ATP10B: variants seen among roughly 807,000 people sequenced by gnomAD.
ATP10B encodes the protein phospholipid-transporting ATPase VB.
In ATP10B, 122 loss-of-function variants were observed where a neutral mutation model predicts 141.2. The ratio of observed to expected loss-of-function variants is 0.86; its 90% confidence interval spans 0.75 to 1.00. The LOEUF is 1.00. Ranked by LOEUF, ATP10B falls within the 50% of genes least tolerant of loss-of-function variation. The probability of loss-of-function intolerance (pLI) is 0.00; values close to 1 mark genes in which losing one functional copy is unlikely to be tolerated. For synonymous variants in ATP10B, 685 were observed against 692.0 expected (o/e 0.99, Z 0.16); for missense variants, 1,876 against 1,825.3 (o/e 1.03, Z -0.51).
intron 3 of ATP10B, among the ~76,000 whole-genome samples, chr5:160,702,196 A>T (rs549311138): frequency 6.6e-6 from 1 of 152,366 alleles, no homozygotes; most frequent in South Asian, 2.1e-4. Flanking sequence ...AAAATTATTT[A>T]AAAATATTTC....
At chr5:160,632,008 C>T (rs1758967902) in intron 13 of ATP10B, 121 bp downstream of exon 13, 1 of 855,636 alleles carries the variant, frequency 1.2e-6, no homozygotes, top group Non-Finnish European at 1.8e-6. Context: ...TGTACAAAAC[C>T]AAGGGCACCA....
chr5:160,692,462 G>T (rs1764127745), intron 3 of ATP10B, among the ~76,000 whole-genome samples: 1 of 152,076 alleles, frequency 6.6e-6, no homozygotes, highest in South Asian at 2.1e-4. Context: ...GCTGCACTTT[G>T]ACCTACTTCC....
In ATP10B at chr5:160,607,030, T is replaced by C. The variant is rs1240109732; in HGVS notation, c.2895A>G (p.Glu965=). 5.0e-6 allele frequency: 8 copies of C among 1,614,026 alleles called. No homozygotes were observed. The highest frequency in any genetic ancestry group is 6.8e-6 in the Non-Finnish European group (8 of 1,180,004). ...AGAGCTTGCGGTCTGGCTTCTGTAG[T>C]TCACGAAATTGCTTTAGCTCTTCCA... ...CALEELKQFR[E]LQKPDRKLFG... Residue 965 remains glutamate (E), a synonymous_variant, in exon 19 of 26, where the codon GAA becomes GAG. Coordinates refer to ENST00000327245, the MANE Select transcript of ATP10B (RefSeq NM_025153.3).
rs112984246 is a variant in ATP10B, at chr5:160,778,172, T to C, written c.-331+7387A>G. Among the ~76,000 whole-genome samples the C allele has an allele frequency of 4.3e-3, 653 of 152,312 alleles. 2 individuals are homozygous for C. Among genetic ancestry groups the C allele is most frequent in the South Asian group, 0.017 (83 of 4,828 alleles). On this transcript the variant is annotated intron_variant, in intron 2 of 25. Coordinates refer to ENST00000327245, the MANE Select transcript of ATP10B (RefSeq NM_025153.3). Reference sequence around the variant, plus strand: ...TACCATGTCCACGTATTATCTAAAGTAAACACATAAATAATTTTAAAGCCA... The same window carrying C: ...TACCATGTCCACGTATTATCTAAAGCAAACACATAAATAATTTTAAAGCCA...
At chr5:160,578,391 A>G (rs772939115) in intron 24 of ATP10B, among the ~76,000 whole-genome samples, 3 of 152,008 alleles carry the variant, frequency 2.0e-5, no homozygotes, top group Non-Finnish European at 4.4e-5. Flanking sequence ...CCCTGTGTCC[A>G]TGTGTTCTCA....
chr5:160,682,509 C>T (rs558020417), intron 6 of ATP10B, among the ~76,000 whole-genome samples: 8 of 152,178 alleles, frequency 5.3e-5, no homozygotes, highest in Non-Finnish European at 8.8e-5. Flanking sequence ...CCTGCCAGCT[C>T]CCAGCACAGA....
intron 6 of ATP10B, among the ~76,000 whole-genome samples, chr5:160,675,993 G>A (rs2127732711): frequency 6.6e-6 from 1 of 152,252 alleles, no homozygotes; most frequent in Non-Finnish European, 1.5e-5. Context: ...AGGGTGGGAG[G>A]ACTGAGGTTC....
intron 24 of ATP10B, among the ~76,000 whole-genome samples, chr5:160,583,700 C>G (rs146464786): frequency 6.6e-6 from 1 of 152,330 alleles, no homozygotes; most frequent in Non-Finnish European, 1.5e-5. Flanking sequence ...ACTGGAGTTG[C>G]TGCTTTTCTT....
intron 2 of ATP10B, among the ~76,000 whole-genome samples, chr5:160,740,165 A>G (rs1317143982): frequency 6.6e-6 from 1 of 152,250 alleles, no homozygotes; most frequent in Non-Finnish European, 1.5e-5. Context: ...CATTGCCCCC[A>G]GAGGCAATCC....
At chr5:160,907,879 A>G in the ATP10B span, among the ~76,000 whole-genome samples, 1 of 152,130 alleles carries the variant, frequency 6.6e-6, no homozygotes, top group Non-Finnish European at 1.5e-5. Flanking sequence ...TGATGGTGAC[A>G]TGTCCCACTC....
intron 7 of ATP10B, among the ~76,000 whole-genome samples, chr5:160,652,215 G>C (rs1321676824): frequency 2.0e-5 from 3 of 151,954 alleles, no homozygotes; most frequent in Non-Finnish European, 4.4e-5. Flanking sequence ...TCATGAAAAG[G>C]TGACCCTGCT....
intron 9 of ATP10B, among the ~76,000 whole-genome samples, chr5:160,642,371 C>G (rs1378200435): frequency 6.6e-6 from 1 of 152,182 alleles, no homozygotes; most frequent in Non-Finnish European, 1.5e-5. Flanking sequence ...TAAATCTCAC[C>G]TTGGCCTTTT....
At chr5:160,587,442 A>G (rs1755981343) in intron 24 of ATP10B, among the ~76,000 whole-genome samples, 1 of 152,208 alleles carries the variant, frequency 6.6e-6, no homozygotes, top group East Asian at 1.9e-4. Flanking sequence ...TATGAAATTT[A>G]AAGTAGATTT....
rs945754817 is a variant in ATP10B at position 160,726,822 on chromosome 5, A to G, written c.-330-9788T>C. On this transcript the variant is annotated intron_variant, in intron 2 of 25. Transcript: ENST00000327245. ...ATCTGCCTCCCATTCTAACAAACTC[A>G]TCCCTCTGCTCACAGAGATAGATCC... 6.2e-4 allele frequency among the ~76,000 whole-genome samples: 95 copies of G among 152,174 alleles called. 1 individual carries two copies. Among genetic ancestry groups the G allele is most frequent in the African/African-American group, 2.2e-3 (92 of 41,532 alleles).
the ATP10B span, among the ~76,000 whole-genome samples, chr5:160,891,346 C>G: frequency 6.6e-6 from 1 of 152,304 alleles, no homozygotes; most frequent in Admixed American, 6.5e-5. Flanking sequence ...CCTTCACCCC[C>G]AGTGATTTTC....
chr5:160,904,170 T>C, the ATP10B span, among the ~76,000 whole-genome samples: 1 of 152,268 alleles, frequency 6.6e-6, no homozygotes, highest in East Asian at 1.9e-4. Flanking sequence ...TATGGTTTCC[T>C]GCTTTTTAAA....
At chr5:160,706,820 A>T (rs189273809) in intron 3 of ATP10B, among the ~76,000 whole-genome samples, 239 of 152,324 alleles carry the variant, frequency 1.6e-3, no homozygotes, top group African/African-American at 5.4e-3. Flanking sequence ...TCACTTCTTA[A>T]ATTAGAAAGT....
intron 2 of ATP10B, among the ~76,000 whole-genome samples, chr5:160,739,958 C>T (rs1767356882): frequency 6.6e-6 from 1 of 152,158 alleles, no homozygotes; most frequent in Middle Eastern, 3.2e-3. Context: ...TCTACAGGCA[C>T]AGGCCATTGT....
chr5:160,926,316 A>G, the ATP10B span, among the ~76,000 whole-genome samples: 2 of 152,206 alleles, frequency 1.3e-5, no homozygotes, highest in African/African-American at 4.8e-5. Flanking sequence ...GGTCTTCAGA[A>G]ACTTAATGTA....
Sources: allele counts gnomAD v4.1 joint callset (sites outside exome capture counted in the v4.1 genomes callset), GRCh38; gene constraint gnomAD v4.1.1; transcripts MANE v1.5; gene names NCBI Gene and HGNC (gene_info 2026-07-23, HGNC 2026-07-21).